CBFB: variants seen among roughly 807,000 people sequenced by gnomAD.
CBFB encodes CBF-beta.
CBFB carries 9 observed loss-of-function variants against 30.4 expected under a neutral mutation model. That is an observed-to-expected ratio of 0.30 (90% CI 0.18 to 0.52). The LOEUF (loss-of-function observed/expected upper bound fraction) is 0.52. Ranked by LOEUF, CBFB falls within the 20% of genes least tolerant of loss-of-function variation. CBFB has a pLI of 0.97. For missense variants in CBFB, 170 were observed against 244.0 expected, an observed-to-expected ratio of 0.70 and a Z score of 2.02; for synonymous variants, 94 against 84.0, an observed-to-expected ratio of 1.12 and a Z score of -0.65.
chr16:67,034,272 T>C (rs1042153996), intron 2 of CBFB, among the ~76,000 whole-genome samples: 1 of 152,216 alleles, frequency 6.6e-6, no homozygotes. Flanking sequence ...TTCTAAAGAT[T>C]GAATGGTAAA....
intron 3 of CBFB, among the ~76,000 whole-genome samples, chr16:67,042,502 T>C (rs1195402494): frequency 6.6e-6 from 1 of 152,166 alleles, no homozygotes; most frequent in South Asian, 2.1e-4. Context: ...TCAAGATATA[T>C]TTCAGTCACC....
In CBFB at chr16:67,100,536, C is replaced by T. The variant is rs1239079735; in HGVS notation, c.*1758C>T. 4.4e-6 allele frequency: 1 copy of T among 227,576 alleles called. No individual in the cohort carries two copies. Among genetic ancestry groups the T allele is most frequent in the Non-Finnish European group, 8.7e-6 (1 of 114,360 alleles). The allele number at this position is 227,576 out of a possible 1,614,324, so 14.1% of individuals were successfully genotyped here. A position where few individuals can be genotyped will look rare whatever the true frequency, so the allele number is the denominator to read the frequency against. ...AGCTCACATGTTTACACACTCAGTGCCCTAATTTCCCCTGAGGGAATCGCT... is the reference window on the plus strand; with the variant it reads ...AGCTCACATGTTTACACACTCAGTGTCCTAATTTCCCCTGAGGGAATCGCT... On this transcript the variant is annotated 3_prime_UTR_variant, in exon 6 of 6. Transcript: ENST00000412916.
intron 3 of CBFB, among the ~76,000 whole-genome samples, chr16:67,061,759 C>T (rs551735249): frequency 9.9e-5 from 15 of 152,068 alleles, no homozygotes; most frequent in Admixed American, 2.6e-4. Context: ...TGGCTGGGTG[C>T]GGTGACTCAC....
chr16:67,073,864 G>A (rs1961308754), intron 4 of CBFB, among the ~76,000 whole-genome samples: 1 of 151,770 alleles, frequency 6.6e-6, no homozygotes, highest in Non-Finnish European at 1.5e-5. Context: ...GGTGAAACCC[G>A]TCTCAACCAA....
At chr16:67,051,010 T>G (rs1161217338) in intron 3 of CBFB, among the ~76,000 whole-genome samples, 3 of 152,170 alleles carry the variant, frequency 2.0e-5, no homozygotes, top group Non-Finnish European at 2.9e-5. Context: ...ACTTATGAAT[T>G]GTTTATTTCT....
intron 3 of CBFB, among the ~76,000 whole-genome samples, chr16:67,038,645 T>TA (rs1235021357): frequency 9.2e-5 from 14 of 152,192 alleles, no homozygotes; most frequent in African/African-American, 3.4e-4. Context: ...GAAGTCCTTG[T>TA]ACGATTATTG....
At chr16:67,083,277 T>G (rs1961623275) in intron 5 of CBFB, among the ~76,000 whole-genome samples, 1 of 151,858 alleles carries the variant, frequency 6.6e-6, no homozygotes, top group African/African-American at 2.4e-5. Flanking sequence ...TGATTTCTGC[T>G]CAAAAGTAAT....
At chr16:67,070,439 A>G (rs775210688) in intron 4 of CBFB, among the ~76,000 whole-genome samples, 21 of 152,250 alleles carry the variant, frequency 1.4e-4, no homozygotes, top group Non-Finnish European at 2.4e-4. Context: ...TGAATTTCCA[A>G]TTCTTTCAGA....
intron 4 of CBFB, among the ~76,000 whole-genome samples, chr16:67,073,891 C>A (rs1008070550): frequency 6.6e-6 from 1 of 151,564 alleles, no homozygotes. Flanking sequence ...AAAAATTAGC[C>A]GGGCATGGTG....
At chr16:67,097,607 T>G (rs1309441993) in intron 5 of CBFB, among the ~76,000 whole-genome samples, 1 of 152,294 alleles carries the variant, frequency 6.6e-6, no homozygotes, top group East Asian at 1.9e-4. Context: ...ATTTTATATT[T>G]CTATTTTTAA....
chr16:67,079,515 C>CCT (rs1961496554), intron 4 of CBFB, among the ~76,000 whole-genome samples: 1 of 98,666 alleles, frequency 1.0e-5, no homozygotes, highest in African/African-American at 3.7e-5. Context: ...GGCCCTGGGT[C>CCT]TTTTTTTTTT....
intron 5 of CBFB, among the ~76,000 whole-genome samples, chr16:67,098,115 TTTG>T (rs1222864052): frequency 5.5e-5 from 6 of 109,190 alleles, no homozygotes; most frequent in African/African-American, 5.1e-4. Flanking sequence ...TGTGGGGTTT[TTTG>T]TTTGTTTGTT....
At chr16:67,045,390 G>A (rs895253396) in intron 3 of CBFB, among the ~76,000 whole-genome samples, 7 of 152,048 alleles carry the variant, frequency 4.6e-5, no homozygotes, top group African/African-American at 1.7e-4. Context: ...GCTGGCATGT[G>A]CCTGTAATCC....
In CBFB at chr16:67,094,679, G is replaced by A. The variant is rs115837155; in HGVS notation, c.496-4031G>A. 3.1e-3 allele frequency among the ~76,000 whole-genome samples: 467 copies of A among 152,156 alleles called. 7 individuals carry two copies. Among genetic ancestry groups the A allele is most frequent in the African/African-American group, 0.011 (441 of 41,528 alleles). Reference sequence around the variant, plus strand: ...GCTTGGCCCCTTTCTAACCTTCATTGACTGAAAGCAGATGTTTATATCACC... The same window carrying A: ...GCTTGGCCCCTTTCTAACCTTCATTAACTGAAAGCAGATGTTTATATCACC... On this transcript the variant is annotated intron_variant, in intron 5 of 5. Coordinates refer to ENST00000412916, the MANE Select transcript of CBFB (RefSeq NM_022845.3).
chr16:67,074,858 T>A (rs1460464463), intron 4 of CBFB, among the ~76,000 whole-genome samples: 2 of 152,098 alleles, frequency 1.3e-5, no homozygotes, highest in Non-Finnish European at 1.5e-5. Flanking sequence ...AAAGGCAACC[T>A]GAACAGTGGT....
chr16:67,030,177 G>A (rs1031370496), intron 2 of CBFB: 1 of 201,328 alleles, frequency 5.0e-6, no homozygotes, highest in Admixed American at 6.2e-5. Flanking sequence ...CTTCATTCAA[G>A]GTCGGCGATA....
chr16:67,095,023 G>T (rs761449848), intron 5 of CBFB, among the ~76,000 whole-genome samples: 1 of 151,302 alleles, frequency 6.6e-6, no homozygotes, highest in Non-Finnish European at 1.5e-5. Context: ...TTCAAGATCC[G>T]GCTGACCAAC....
chr16:67,064,896 T>C (rs1018656540), intron 3 of CBFB, among the ~76,000 whole-genome samples: 14 of 152,162 alleles, frequency 9.2e-5, no homozygotes, highest in Admixed American at 1.3e-4. Flanking sequence ...TTTCTTTTTT[T>C]TCTCTCTCTT....
chr16:67,033,719 C>G lies in CBFB; in HGVS notation c.166-2920C>G, dbSNP rs560612834. On this transcript the variant is annotated intron_variant, in intron 2 of 5. Transcript: ENST00000412916. ...CTCCGCCTCCTGGGTTCACGCCATT[C>G]TCCCGCTTCAGCCTCCCGAGTAACT... Among the ~76,000 whole-genome samples, 3 of 150,888 alleles carry G rather than the reference C, an allele frequency of 2.0e-5. No homozygotes were observed. In the South Asian group the frequency reaches 6.3e-4, roughly 32 times the overall value.
Sources: gnomAD v4.1 joint callset for allele counts (sites outside exome capture counted in the v4.1 genomes callset) on GRCh38, gnomAD v4.1.1 for gene constraint, MANE v1.5 for transcripts, NCBI Gene and HGNC (gene_info 2026-07-23, HGNC 2026-07-21) for gene names.